The following MAP3K3 variants were observed in gnomAD, a reference collection of about 807,000 sequenced individuals.
MAP3K3 encodes the protein mitogen-activated protein kinase kinase kinase 3.
In MAP3K3, 12 loss-of-function variants were observed where a neutral mutation model predicts 80.9. That is an observed-to-expected ratio of 0.15 (90% CI 0.10 to 0.24). MAP3K3 has a LOEUF of 0.24. MAP3K3 is among the 10% of genes least tolerant of loss of function. The pLI is 1.00. For synonymous variants in MAP3K3, 272 were observed against 307.1 expected (o/e 0.89, Z 1.19); for missense variants, 596 against 834.7 (o/e 0.71, Z 3.52).
intron 6 of MAP3K3, among the ~76,000 whole-genome samples, chr17:63,678,787 TGGGA>T (rs766467416): frequency 2.0e-5 from 3 of 152,174 alleles, no homozygotes; most frequent in Non-Finnish European, 4.4e-5. Flanking sequence ...CCCAGCACTT[TGGGA>T]GGCTGAGACA....
intron 7 of MAP3K3, chr17:63,682,709 C>G (rs2035365260): frequency 1.3e-5 from 2 of 152,264 alleles, no homozygotes; most frequent in Admixed American, 6.5e-5. Flanking sequence ...GGGGCCCTCT[C>G]ACAACATGGC....
Position 63,672,654 on chromosome 17 carries a change from T to C in MAP3K3, c.502+5594T>C, listed in dbSNP as rs113005898. 2.3e-3 allele frequency among the ~76,000 whole-genome samples: 348 copies of C among 152,214 alleles called. 4 individuals carry two copies. The highest frequency in any genetic ancestry group is 8.2e-3 in the African/African-American group (341 of 41,512). On this transcript the variant is annotated intron_variant, in intron 6 of 15. Coordinates refer to ENST00000361733, the MANE Select transcript of MAP3K3 (RefSeq NM_002401.5). ...AATGAGAAGAAAAGAGGGTCCATGA[T>C]TGAGCCTTAGGAACCCAACACTTAG... is the stretch of plus-strand genomic sequence containing the variant.
At chr17:63,657,547 T>G in intron 4 of MAP3K3, among the ~76,000 whole-genome samples, 1 of 152,080 alleles carries the variant, frequency 6.6e-6, no homozygotes, top group East Asian at 1.9e-4. Context: ...GTTCTGGAAA[T>G]GTTTTAAAAT....
intron 2 of MAP3K3, among the ~76,000 whole-genome samples, chr17:63,640,327 T>G (rs2034414452): frequency 6.6e-6 from 1 of 152,074 alleles, no homozygotes; most frequent in South Asian, 2.1e-4. Flanking sequence ...GAGACTAGTT[T>G]AGGAGAGTAG....
At chr17:63,639,068 G>A (rs138018425) in intron 2 of MAP3K3, among the ~76,000 whole-genome samples, 2 of 152,204 alleles carry the variant, frequency 1.3e-5, no homozygotes, top group Non-Finnish European at 2.9e-5. Flanking sequence ...TGTACCCCAG[G>A]AATCATGCAG....
intron 6 of MAP3K3, among the ~76,000 whole-genome samples, chr17:63,672,562 A>G (rs1011096148): frequency 6.6e-6 from 1 of 152,166 alleles, no homozygotes; most frequent in Non-Finnish European, 1.5e-5. Context: ...GGGCTAGTGA[A>G]AAAATATTGG....
At chr17:63,672,873 CA>C (rs2035139445) in intron 6 of MAP3K3, 1 of 152,162 alleles carries the variant, frequency 6.6e-6, no homozygotes, top group South Asian at 2.1e-4. Context: ...TGTGCTGGTA[CA>C]GACAAGACTT....
chr17:63,655,689 T>A (rs1335538853), intron 4 of MAP3K3, among the ~76,000 whole-genome samples: 1 of 152,032 alleles, frequency 6.6e-6, no homozygotes, highest in East Asian at 1.9e-4. Context: ...GATGGGGGTC[T>A]CACTATTTTG....
At chr17:63,656,972 G>A (rs1215301607) in intron 4 of MAP3K3, among the ~76,000 whole-genome samples, 1 of 152,138 alleles carries the variant, frequency 6.6e-6, no homozygotes, top group African/African-American at 2.4e-5. Context: ...CCAAGCAAAG[G>A]GGGAAAAGCT....
At chr17:63,674,671 G>T (rs2035180521) in intron 6 of MAP3K3, among the ~76,000 whole-genome samples, 1 of 152,096 alleles carries the variant, frequency 6.6e-6, no homozygotes, top group Non-Finnish European at 1.5e-5. Context: ...TTAGGCTAGA[G>T]ATATGAGGAA....
At chr17:63,622,855 C>T (rs1428516523) in intron 1 of MAP3K3, 92 bp downstream of exon 1, 3 of 290,100 alleles carry the variant, frequency 1.0e-5, no homozygotes, top group South Asian at 8.3e-5. Context: ...CACCGCCTGA[C>T]AGGCATGGAC....
At position 63,691,613 on chromosome 17, in the gene MAP3K3, G is replaced by T. The variant is rs747098862; in HGVS notation, c.1345-120G>T. The T allele has an allele frequency of 9.1e-6, 13 of 1,425,176 alleles. No individual in the cohort carries two copies. The Admixed American group carries it at 2.8e-4, about 30-fold the overall frequency. 88.3% of individuals were successfully genotyped at this position (1,425,176 alleles called of 1,614,324 possible). Reference sequence around the variant, plus strand: ...CTGACAGCTCCTGGCAAAATGCCCTGCCCAGCCAGATAGGAATTGAACAAA... The same window carrying T: ...CTGACAGCTCCTGGCAAAATGCCCTTCCCAGCCAGATAGGAATTGAACAAA... On this transcript the variant is annotated intron_variant, in intron 13 of 15. Coordinates refer to ENST00000361733, the MANE Select transcript of MAP3K3 (RefSeq NM_002401.5). The surrounding 1 kb of genome is among the most constrained non-coding windows in gnomAD (Gnocchi z 4.8).
chr17:63,692,126 T>C lies in MAP3K3; in HGVS notation c.1475-116T>C. On this transcript the variant is annotated intron_variant, in intron 14 of 15. Coordinates refer to ENST00000361733, the MANE Select transcript of MAP3K3 (RefSeq NM_002401.5). This position sits in a 1 kb window ranked among gnomAD's most constrained non-coding sequence, Gnocchi z 4.5. The stretch of plus-strand genomic sequence containing the variant: ...AATCCTTTGCCCTTTGCAGTTCATG[T>C]CTAATTCAGTGGTAGCCCTGCCCTC... 8.2e-7 allele frequency: 1 copy of C among 1,226,864 alleles called. No homozygotes were observed. Among genetic ancestry groups the C allele is most frequent in the Admixed American group, 2.1e-5 (1 of 46,772 alleles). 76.0% of individuals were successfully genotyped at this position (1,226,864 alleles called of 1,614,324 possible).
At chr17:63,674,183 C>T (rs983695939) in intron 6 of MAP3K3, among the ~76,000 whole-genome samples, 2 of 152,144 alleles carry the variant, frequency 1.3e-5, no homozygotes, top group African/African-American at 4.8e-5. Context: ...TGTCTTTCTC[C>T]TTATCTTGCC....
At chr17:63,668,779 A>G (rs1175308897) in intron 6 of MAP3K3, among the ~76,000 whole-genome samples, 2 of 152,226 alleles carry the variant, frequency 1.3e-5, no homozygotes, top group African/African-American at 4.8e-5. Context: ...AATGGGCAAC[A>G]CGGCCTCTTA....
intron 5 of MAP3K3, among the ~76,000 whole-genome samples, chr17:63,662,286 G>A (rs187993972): frequency 2.4e-4 from 36 of 150,928 alleles, no homozygotes; most frequent in African/African-American, 8.5e-4. Flanking sequence ...GGTGTGGTGC[G>A]TGCCTGTGGT....
chr17:63,655,179 A>G (rs2034741471), intron 4 of MAP3K3, among the ~76,000 whole-genome samples: 2 of 152,194 alleles, frequency 1.3e-5, no homozygotes, highest in Non-Finnish European at 2.9e-5. Flanking sequence ...TCACATGGCG[A>G]CAGGAGAGAG....
At chr17:63,667,668 C>T (rs1258876715) in intron 6 of MAP3K3, among the ~76,000 whole-genome samples, 3 of 152,148 alleles carry the variant, frequency 2.0e-5, no homozygotes, top group Non-Finnish European at 2.9e-5. Context: ...ATATAACCTA[C>T]CCACATCCTC....
intron 3 of MAP3K3, among the ~76,000 whole-genome samples, chr17:63,650,457 C>T (rs978279479): frequency 6.6e-6 from 1 of 151,680 alleles, no homozygotes; most frequent in Admixed American, 6.6e-5. Context: ...CATGTGCCAC[C>T]ACACCCAGGT....
Sources: allele counts gnomAD v4.1 joint callset (sites outside exome capture counted in the v4.1 genomes callset), GRCh38; gene constraint gnomAD v4.1.1; non-coding constraint Gnocchi (gnomAD v3.1); transcripts MANE v1.5; gene names NCBI Gene and HGNC (gene_info 2026-07-23, HGNC 2026-07-21).